Variants in ANKRD52 observed in about 807,000 individuals in gnomAD.
ANKRD52 encodes serine/threonine-protein phosphatase 6 regulatory ankyrin repeat subunit C.
ANKRD52 carries 7 observed loss-of-function variants against 116.0 expected under a neutral mutation model. That is an observed-to-expected ratio of 0.06 (90% CI 0.03 to 0.11). ANKRD52 has a LOEUF of 0.11. ANKRD52 is among the 10% of genes least tolerant of loss of function. The pLI, the probability that ANKRD52 is intolerant of heterozygous loss-of-function variation, is 1.00. For synonymous variants in ANKRD52, 528 were observed against 578.1 expected, an observed-to-expected ratio of 0.91 and a Z score of 1.24; for missense variants, 839 against 1,408.6, an observed-to-expected ratio of 0.60 and a Z score of 6.47.
chr12:56,245,614 G>C lies in ANKRD52; in HGVS notation c.2185-18C>G. 6.3e-7 allele frequency: 1 copy of C among 1,599,316 alleles called. No individual in the cohort carries two copies. Among genetic ancestry groups the C allele is most frequent in the Non-Finnish European group, 8.5e-7 (1 of 1,176,826 alleles). On this transcript the variant is annotated intron_variant, in intron 20 of 27. Transcript: ENST00000267116. ...GTCACTGCCTGTGAGTAACATGGGG[G>C]TGTGAGGGGGATGAAAAGCTCCTCC... is the stretch of plus-strand genomic sequence containing the variant.
rs564693275 is a variant in ANKRD52 at position 56,257,809 on chromosome 12, C to T, written c.111+19G>A. 1 of 1,612,308 alleles carries T rather than the reference C, an allele frequency of 6.2e-7. No homozygotes were observed. The highest frequency in any genetic ancestry group is 1.3e-5 in the African/African-American group (1 of 75,004). On this transcript the variant is annotated intron_variant, in intron 2 of 27. Transcript: ENST00000267116. ...GAGCCAGGATTCCGGTCTCGCCATC[C>T]TCCCTGCTCCCAACTCACCAGCACA...
In ANKRD52 at chr12:56,248,010, A is replaced by G; in HGVS notation, c.1978+13T>C. The G allele has an allele frequency of 6.3e-7, 1 of 1,584,798 alleles. No homozygotes were observed. Among genetic ancestry groups the G allele is most frequent in the Non-Finnish European group, 8.5e-7 (1 of 1,171,404 alleles). On this transcript the variant is annotated intron_variant, in intron 18 of 27. Coordinates refer to ENST00000267116, the MANE Select transcript of ANKRD52 (RefSeq NM_173595.4). The surrounding 1 kb of genome is among the most constrained non-coding windows in gnomAD (Gnocchi z 5.1). ...TGGCAAGGGTAGGGCAGCAGCCTAA[A>G]GTGGGCACTAACCAGCAGCGTGCAG...
intron 2 of ANKRD52, 102 bp downstream of exon 2, chr12:56,257,726 C>T (rs1872025887): frequency 2.6e-6 from 3 of 1,153,984 alleles, no homozygotes. Flanking sequence ...ACTGCGGCCT[C>T]ATCTGAGCAG....
chr12:56,255,067 G>T lies in ANKRD52; in HGVS notation c.463-115C>A. 1.0e-6 allele frequency: 1 copy of T among 1,004,054 alleles called. No individual in the cohort carries two copies. Among genetic ancestry groups the T allele is most frequent in the Non-Finnish European group, 1.5e-6 (1 of 665,020 alleles). The allele number at this position is 1,004,054 out of a possible 1,614,324, so 62.2% of individuals were successfully genotyped here. On this transcript the variant is annotated intron_variant, in intron 5 of 27. Coordinates refer to ENST00000267116, the MANE Select transcript of ANKRD52 (RefSeq NM_173595.4). This position sits in a 1 kb window ranked among gnomAD's most constrained non-coding sequence, Gnocchi z 4.3. ...GAGGCAGCCTAATGCCTTTTTCCATGAGCAAAACAACCTGGAGGACTCGAG... is the reference window on the plus strand; with the variant it reads ...GAGGCAGCCTAATGCCTTTTTCCATTAGCAAAACAACCTGGAGGACTCGAG...
rs1871517500 is a variant in ANKRD52 at position 56,248,310 on chromosome 12, A to T, written c.1777-86T>A. Reference sequence around the variant, plus strand: ...CTTCTCTGCTCTTGGGGTCCCTGGGAAGCTCAAGGTCTTAGTCCTTGACAA... The same window carrying T: ...CTTCTCTGCTCTTGGGGTCCCTGGGTAGCTCAAGGTCTTAGTCCTTGACAA... On this transcript the variant is annotated intron_variant, in intron 17 of 27. Coordinates refer to ENST00000267116, the MANE Select transcript of ANKRD52 (RefSeq NM_173595.4). This position sits in a 1 kb window ranked among gnomAD's most constrained non-coding sequence, Gnocchi z 5.1. 1.3e-6 allele frequency: 2 copies of T among 1,535,626 alleles called. No homozygotes were observed. The highest frequency in any genetic ancestry group is 3.4e-5 in the Admixed American group (2 of 58,978).
chr12:56,244,150 G>C lies in ANKRD52; in HGVS notation c.2806-17C>G, dbSNP rs1871288893. 1 of 1,613,118 alleles carries C rather than the reference G, an allele frequency of 6.2e-7. No individual in the cohort carries two copies. Among genetic ancestry groups the C allele is most frequent in the Non-Finnish European group, 8.5e-7 (1 of 1,179,090 alleles). On this transcript the variant is annotated splice_polypyrimidine_tract_variant and intron_variant, in intron 25 of 27. Transcript: ENST00000267116. This position sits in a 1 kb window ranked among gnomAD's most constrained non-coding sequence, Gnocchi z 4.9. ...CTCATGGCCCTGAGGGAGGGGAACA[G>C]AGAGTGGAGACTTGTGAAGTAGAAA...
intron 21 of ANKRD52, 61 bp downstream of exon 21, chr12:56,245,316 G>T: frequency 6.2e-7 from 1 of 1,600,776 alleles, no homozygotes; most frequent in Non-Finnish European, 8.5e-7. Flanking sequence ...CAACCCACCT[G>T]TCCCCCTCTA....
rs1246980847 is a variant in ANKRD52, at chr12:56,248,710, T to C, written c.1704+49A>G. The C allele has an allele frequency of 6.5e-7, 1 of 1,539,764 alleles. No homozygotes were observed. Among genetic ancestry groups the C allele is most frequent in the Non-Finnish European group, 8.9e-7 (1 of 1,127,506 alleles). On this transcript the variant is annotated intron_variant, in intron 16 of 27. Coordinates refer to ENST00000267116, the MANE Select transcript of ANKRD52 (RefSeq NM_173595.4). The surrounding 1 kb of genome is among the most constrained non-coding windows in gnomAD (Gnocchi z 5.1). ...CCTTAGTTTTGGAATCCACAAACCC[T>C]GTGCCCTGCCCCTGCCTCCCCTCCT...
Position 56,243,200 on chromosome 12 carries a change from C to A in ANKRD52, c.3173G>T (p.Cys1058Phe). 1 of 1,612,796 alleles carries A rather than the reference C, an allele frequency of 6.2e-7. No homozygotes were observed. Among genetic ancestry groups the A allele is most frequent in the Non-Finnish European group, 8.5e-7 (1 of 1,179,430 alleles). The part of the protein sequence containing the change: ...GCGALPHGAS[C>F]PYSQERPGAI... ...GCCGGGCCGCTCCTGGCTGTAGGGG[C>A]AGGAGGCCCCATGGGGCAGGGCGCC... is the stretch of plus-strand genomic sequence containing the variant. The change falls in exon 28 of 28, where the codon TGC becomes TTC. Residue 1058 changes from cysteine (C) to phenylalanine (F), a missense_variant. Cys to Phe is a radical substitution (Grantham distance 205, BLOSUM62 -2). This residue lies in a region of ANKRD52 where 552 missense variants were observed against 810.6 expected (regional missense o/e 0.68). Transcript: ENST00000267116. The surrounding 1 kb of genome is among the most constrained non-coding windows in gnomAD (Gnocchi z 4.6).
In ANKRD52 at chr12:56,245,199, G is replaced by C. The variant is rs201425372; in HGVS notation, c.2405-9C>G. 3 of 1,613,754 alleles carry C rather than the reference G, an allele frequency of 1.9e-6. No individual in the cohort carries two copies. Among genetic ancestry groups the C allele is most frequent in the African/African-American group, 2.7e-5 (2 of 74,914 alleles). On this transcript the variant is annotated splice_polypyrimidine_tract_variant and intron_variant, in intron 21 of 27. Transcript: ENST00000267116. ...CAGACAATCTTCATGTCCTGGGCAC[G>C]AGGAAGGAAGAGTAGTGATGGAGAA...
Position 56,243,052 on chromosome 12 carries a change from C to G in ANKRD52, c.*90G>C. The G allele has an allele frequency of 4.5e-5, 63 of 1,391,586 alleles. No individual in the cohort carries two copies. The highest frequency in any genetic ancestry group is 3.4e-5 in the Non-Finnish European group (36 of 1,059,744). 86.2% of individuals were successfully genotyped at this position (1,391,586 alleles called of 1,614,324 possible). On this transcript the variant is annotated 3_prime_UTR_variant, in exon 28 of 28. Coordinates refer to ENST00000267116, the MANE Select transcript of ANKRD52 (RefSeq NM_173595.4). The surrounding 1 kb of genome is among the most constrained non-coding windows in gnomAD (Gnocchi z 4.6). ...TCCGCCCCCTCCACCCAGTCGTGTT[C>G]TCCTTTAAAGTGCCCTAAATGTTTA...
chr12:56,245,708 CTTTT>C (rs918818332), intron 20 of ANKRD52, 112 bp from the exon 21 acceptor site: 6,434 of 391,168 alleles, frequency 0.016, no homozygotes, highest in South Asian at 0.02. Context: ...CAATCCTTGT[CTTTT>C]TTTTTTTTTT....
intron 4 of ANKRD52, among the ~76,000 whole-genome samples, 177 bp from the exon 5 acceptor site, chr12:56,256,161 A>G (rs1264496634): frequency 3.9e-5 from 6 of 152,158 alleles, no homozygotes; most frequent in Admixed American, 2.6e-4. Flanking sequence ...GGATCTTCTT[A>G]GAACTTAAGC....
At position 56,258,326 on chromosome 12, in the gene ANKRD52, C is replaced by A; in HGVS notation, c.-57G>T. On this transcript the variant is annotated 5_prime_UTR_variant, in exon 1 of 28. Transcript: ENST00000267116. ...CCCGGCGGCGGCGGCGGCGGCTCCACCGGGGACACGGAGCGGCCCAGGCGG... is the reference window on the plus strand; with the variant it reads ...CCCGGCGGCGGCGGCGGCGGCTCCAACGGGGACACGGAGCGGCCCAGGCGG... The A allele has an allele frequency of 6.7e-7, 1 of 1,501,626 alleles. No individual in the cohort carries two copies. Among genetic ancestry groups the A allele is most frequent in the Non-Finnish European group, 8.9e-7 (1 of 1,125,090 alleles). The allele number at this position is 1,501,626 out of a possible 1,614,324, so 93.0% of individuals were successfully genotyped here.
Position 56,253,620 on chromosome 12 carries a change from T to C in ANKRD52, c.985+102A>G. 2 of 1,323,894 alleles carry C rather than the reference T, an allele frequency of 1.5e-6. No individual in the cohort carries two copies. Among genetic ancestry groups the C allele is most frequent in the African/African-American group, 1.5e-5 (1 of 68,496 alleles). 82.0% of individuals were successfully genotyped at this position (1,323,894 alleles called of 1,614,324 possible). The stretch of plus-strand genomic sequence containing the variant: ...TCAGAGTTCCAAGGGCCTATCCTAC[T>C]GGAAGAGGGCAGGAGAAGGAAGTTA... On this transcript the variant is annotated intron_variant, in intron 9 of 27. Coordinates refer to ENST00000267116, the MANE Select transcript of ANKRD52 (RefSeq NM_173595.4). The surrounding 1 kb of genome is among the most constrained non-coding windows in gnomAD (Gnocchi z 5.5).
In ANKRD52 at chr12:56,258,001, G is replaced by C. The variant is rs1045266764; in HGVS notation, c.28-90C>G. 3.7e-6 allele frequency: 5 copies of C among 1,353,034 alleles called. No homozygotes were observed. In the Admixed American group the frequency reaches 7.7e-5, roughly 21 times the overall value. The allele number at this position is 1,353,034 out of a possible 1,614,324, so 83.8% of individuals were successfully genotyped here. A position where few individuals can be genotyped will look rare whatever the true frequency, so the allele number is the denominator to read the frequency against. On this transcript the variant is annotated intron_variant, in intron 1 of 27. Coordinates refer to ENST00000267116, the MANE Select transcript of ANKRD52 (RefSeq NM_173595.4). ...GGTGGGGGAGCACCTAGGTTTGAGTGGGGGGCGTCCGTGGAGGGGCTCCAC... is the reference window on the plus strand; with the variant it reads ...GGTGGGGGAGCACCTAGGTTTGAGTCGGGGGCGTCCGTGGAGGGGCTCCAC...
At chr12:56,245,072 G>A (rs905611665) in intron 22 of ANKRD52, 31 bp downstream of exon 22, 10 of 1,612,998 alleles carry the variant, frequency 6.2e-6, no homozygotes, top group Non-Finnish European at 8.5e-6. Context: ...GGGCCCTCGC[G>A]AGAAGGGCTG....
At chr12:56,256,346 T>C (rs1280633895) in intron 4 of ANKRD52, among the ~76,000 whole-genome samples, 2 of 152,240 alleles carry the variant, frequency 1.3e-5, no homozygotes, top group African/African-American at 4.8e-5. Context: ...CTAAATGCTC[T>C]TGCTACATCT....
At chr12:56,250,209 AAATT>A (rs1402306655) in intron 15 of ANKRD52, among the ~76,000 whole-genome samples, 3 of 151,390 alleles carry the variant, frequency 2.0e-5, no homozygotes, top group African/African-American at 7.3e-5. Flanking sequence ...ATAAATAAAT[AAATT>A]AATTAATTTA....
Sources: gnomAD v4.1 joint callset for allele counts (sites outside exome capture counted in the v4.1 genomes callset) on GRCh38, gnomAD v4.1.1 for gene constraint, gnomAD v4.1.1 regional missense constraint, Gnocchi (gnomAD v3.1) non-coding constraint, MANE v1.5 for transcripts, NCBI Gene and HGNC (gene_info 2026-07-23, HGNC 2026-07-21) for gene names.